The following FMN2 variants were observed in gnomAD, a reference collection of about 807,000 sequenced individuals.
The protein encoded by FMN2 is formin-2.
Under a neutral mutation model 142.3 loss-of-function variants are expected in FMN2, and 51 were observed. That is an observed-to-expected ratio of 0.36 (90% CI 0.29 to 0.45). The LOEUF is 0.45. Ranked by LOEUF, FMN2 falls within the 20% of genes least tolerant of loss-of-function variation. The pLI is 1.00. For synonymous variants in FMN2, 882 were observed against 869.8 expected (o/e 1.01, Z -0.25); for missense variants, 1,936 against 2,122.8 (o/e 0.91, Z 1.73).
At chr1:240,246,744 A>C (rs1332250030) in intron 6 of FMN2, among the ~76,000 whole-genome samples, 3 of 152,342 alleles carry the variant, frequency 2.0e-5, no homozygotes, top group African/African-American at 7.2e-5. Flanking sequence ...ATCTCTACAC[A>C]GTCCTGCCTT....
chr1:240,188,372 T>A, intron 4 of FMN2, 110 bp downstream of exon 4: 1 of 1,102,310 alleles, frequency 9.1e-7, no homozygotes, highest in Non-Finnish European at 1.3e-6. Flanking sequence ...AGGATGCCCT[T>A]GTTTTCCCTA....
At chr1:240,333,824 G>T in intron 11 of FMN2, 63 bp from the exon 12 acceptor site, 3 of 1,277,448 alleles carry the variant, frequency 2.3e-6, no homozygotes, top group Admixed American at 2.4e-5. Flanking sequence ...ATCTTTTTTG[G>T]TAACACTTTA....
Position 240,280,058 on chromosome 1 carries a change from T to C in FMN2, c.4154-14764T>C, listed in dbSNP as rs1412709130. 2.0e-5 allele frequency among the ~76,000 whole-genome samples: 3 copies of C among 152,162 alleles called. No homozygotes were observed. The East Asian group carries it at 5.8e-4, about 29-fold the overall frequency. The stretch of plus-strand genomic sequence containing the variant: ...TACCCTAACATGTCTAATTTTGGTA[T>C]GTGAGCTCTGATCTTCTCAGTCATA... On this transcript the variant is annotated intron_variant, in intron 7 of 17. Transcript: ENST00000319653.
intron 7 of FMN2, among the ~76,000 whole-genome samples, chr1:240,275,143 G>C (rs1312625011): frequency 6.6e-6 from 1 of 150,460 alleles, no homozygotes; most frequent in Non-Finnish European, 1.5e-5. Flanking sequence ...AGAACGTGCA[G>C]GTTTGTTACA....
chr1:240,416,521 C>T lies in FMN2; in HGVS notation c.4911-21540C>T, dbSNP rs545113208. Among the ~76,000 whole-genome samples, 5 of 152,288 alleles carry T rather than the reference C, an allele frequency of 3.3e-5. No individual in the cohort carries two copies. In the South Asian group the frequency reaches 1.0e-3, roughly 32 times the overall value. ...CTGGCTTCAAGTGATCCTCCCACCT[C>T]AGCCTCCCAAAGTGCTGGGATTACA... is the stretch of plus-strand genomic sequence containing the variant. On this transcript the variant is annotated intron_variant, in intron 15 of 17. Transcript: ENST00000319653.
chr1:240,317,599 G>A (rs1030489989), intron 8 of FMN2, among the ~76,000 whole-genome samples: 2 of 152,148 alleles, frequency 1.3e-5, no homozygotes, highest in African/African-American at 2.4e-5. Context: ...TTGTTGAGTA[G>A]TATTTCATGG....
Position 240,209,248 on chromosome 1 carries a change from C to CT in FMN2, c.3920+530dup, listed in dbSNP as rs35230925. 4.0e-3 allele frequency among the ~76,000 whole-genome samples: 549 copies of CT among 138,660 alleles called. 3 individuals are homozygous for CT. The highest frequency in any genetic ancestry group is 0.02 in the East Asian group (93 of 4,736). The allele number at this position is 138,660 out of a possible 152,430, so 91.0% of individuals were successfully genotyped here. ...AAAATGTAAATCAAATTCTTAAATCCTTTTTTTTTTTTTTGGAGGGGGGAC... is the reference window on the plus strand; with the variant it reads ...AAAATGTAAATCAAATTCTTAAATCCTTTTTTTTTTTTTTTGGAGGGGGGAC... On this transcript the variant is annotated intron_variant, in intron 5 of 17. Coordinates refer to ENST00000319653, the MANE Select transcript of FMN2 (RefSeq NM_020066.5).
chr1:240,421,310 C>T (rs1450799951), intron 15 of FMN2, among the ~76,000 whole-genome samples: 3 of 152,084 alleles, frequency 2.0e-5, no homozygotes, highest in African/African-American at 4.8e-5. Context: ...CATTTCATTT[C>T]GTTTAATTTT....
intron 2 of FMN2, among the ~76,000 whole-genome samples, chr1:240,148,283 CAGAGACAGACAGAGACAGAGAGAG>C (rs1477509176): frequency 9.2e-5 from 4 of 43,422 alleles, no homozygotes; most frequent in Non-Finnish European, 1.3e-4. Context: ...TAGACAGAGA[CAGAGACAGACAGAGACAGAGAGAG>C]AGAGACAGAC....
intron 2 of FMN2, chr1:240,143,622 G>A (rs2103257293): frequency 6.2e-7 from 1 of 1,610,106 alleles, no homozygotes; most frequent in African/African-American, 1.3e-5. Flanking sequence ...CAAAACTGCG[G>A]AATGGCTCTG....
chr1:240,138,180 C>T (rs1558314536), intron 2 of FMN2, among the ~76,000 whole-genome samples: 1 of 151,328 alleles, frequency 6.6e-6, no homozygotes, highest in African/African-American at 2.4e-5. Flanking sequence ...TTCTCAGGAG[C>T]AGTAGGAAGC....
chr1:240,371,034 G>C (rs770498016), intron 14 of FMN2, among the ~76,000 whole-genome samples: 7 of 152,124 alleles, frequency 4.6e-5, no homozygotes, highest in Non-Finnish European at 1.0e-4. Flanking sequence ...CGCCTCCTGG[G>C]TTCAGGCAAT....
At chr1:240,184,886 C>T (rs1572033364) in intron 3 of FMN2, among the ~76,000 whole-genome samples, 1 of 151,856 alleles carries the variant, frequency 6.6e-6, no homozygotes, top group African/African-American at 2.4e-5. Flanking sequence ...AATTTCTCTC[C>T]GCTCCCTAAA....
chr1:240,109,289 C>T (rs1034656477), intron 1 of FMN2, among the ~76,000 whole-genome samples: 2 of 152,178 alleles, frequency 1.3e-5, no homozygotes, highest in Non-Finnish European at 2.9e-5. Context: ...TCTAAGATTT[C>T]TTCTGGCTCT....
At chr1:240,137,988 C>T (rs1459785730) in intron 2 of FMN2, among the ~76,000 whole-genome samples, 1 of 150,316 alleles carries the variant, frequency 6.7e-6, no homozygotes, top group Non-Finnish European at 1.5e-5. Context: ...TCCCTTGAAT[C>T]CGGGAGGCAG....
chr1:240,419,632 G>C (rs1037766689), intron 15 of FMN2, among the ~76,000 whole-genome samples: 1 of 152,172 alleles, frequency 6.6e-6, no homozygotes, highest in African/African-American at 2.4e-5. Context: ...TGGCCCTCGA[G>C]ACATCTGAGT....
chr1:240,116,213 G>C (rs1038192389), intron 1 of FMN2, among the ~76,000 whole-genome samples: 8 of 152,188 alleles, frequency 5.3e-5, no homozygotes, highest in African/African-American at 1.9e-4. Context: ...GTCTTGTGGA[G>C]CTCCGCTCTG....
chr1:240,283,268 C>T (rs572921339), intron 7 of FMN2, among the ~76,000 whole-genome samples: 2 of 152,240 alleles, frequency 1.3e-5, no homozygotes, highest in South Asian at 2.1e-4. Context: ...ATTATAGATG[C>T]AGAGGAGGAA....
chr1:240,207,533 G>T lies in FMN2; in HGVS notation c.2721G>T (p.Met907Ile). Reference sequence around the variant, plus strand: ...CTCCTCCTCTGCAGGGTACAGAAATGCTGCCACCCCCTCCCCCTCCTCTTC... The same window carrying T: ...CTCCTCCTCTGCAGGGTACAGAAATTCTGCCACCCCCTCCCCCTCCTCTTC... ...PQPPPLQGTE[M>I]LPPPPPPLPG... Residue 907 changes from methionine (M) to isoleucine (I), a missense_variant, in exon 5 of 18, where the codon ATG becomes ATT. Met to Ile is a conservative substitution (Grantham distance 10). Coordinates refer to ENST00000319653, the MANE Select transcript of FMN2 (RefSeq NM_020066.5). 1 of 1,612,372 alleles carries T rather than the reference G, an allele frequency of 6.2e-7. No homozygotes were observed. The highest frequency in any genetic ancestry group is 8.5e-7 in the Non-Finnish European group (1 of 1,179,742).
Sources: gnomAD v4.1 joint callset for allele counts (sites outside exome capture counted in the v4.1 genomes callset) on GRCh38, gnomAD v4.1.1 for gene constraint, MANE v1.5 for transcripts, NCBI Gene and HGNC (gene_info 2026-07-23, HGNC 2026-07-21) for gene names.